DAB1: variants seen among roughly 807,000 people sequenced by gnomAD.
The protein encoded by DAB1 is disabled homolog 1.
A neutral mutation model predicts 64.6 loss-of-function variants in DAB1; 15 were observed. That is an observed-to-expected ratio of 0.23 (90% confidence interval 0.16 to 0.36). The LOEUF (loss-of-function observed/expected upper bound fraction) is 0.36. Among genes scored for constraint, DAB1 ranks in the 10% least tolerant of loss-of-function variants. The pLI is 1.00. For synonymous variants in DAB1, 235 were observed against 251.9 expected, an observed-to-expected ratio of 0.93 and a Z score of 0.64; for missense variants, 596 against 706.7, an observed-to-expected ratio of 0.84 and a Z score of 1.78.
At chr1:58,324,994 T>C (rs1270535509) in intron 4 of DAB1, among the ~76,000 whole-genome samples, 1 of 152,224 alleles carries the variant, frequency 6.6e-6, no homozygotes, top group African/African-American at 2.4e-5. Context: ...TGCTGAGCCC[T>C]AATGTGGCCT....
intron 4 of DAB1, among the ~76,000 whole-genome samples, chr1:58,272,611 T>C (rs1240828324): frequency 7.9e-6 from 1 of 126,418 alleles, no homozygotes; most frequent in African/African-American, 3.0e-5. Context: ...ATCTGTCTAA[T>C]GTTGACAGTG....
At chr1:57,734,853 G>A (rs886578996) in intron 6 of DAB1, among the ~76,000 whole-genome samples, 9 of 152,118 alleles carry the variant, frequency 5.9e-5, no homozygotes, top group African/African-American at 2.2e-4. Flanking sequence ...ATTCAGGACT[G>A]GATCATTTAA....
At chr1:57,316,339 C>G (rs1024073191) in intron 1 of DAB1, among the ~76,000 whole-genome samples, 3 of 152,164 alleles carry the variant, frequency 2.0e-5, no homozygotes, top group Admixed American at 1.3e-4. Context: ...GTAATAAAAT[C>G]TTGTGCATTT....
At position 58,056,185 on chromosome 1, in the gene DAB1, G is replaced by A. The variant is rs777388160; in HGVS notation, n.387+94326C>T. ...GGCAGCACCCGCAGGTCTAAATCGG[G>A]ATGGGGGTGTTCGGTCCTTGCGGGC... On this transcript the variant is annotated intron_variant and non_coding_transcript_variant, in intron 5 of 20. Transcript: ENST00000485760. The A allele has an allele frequency of 2.3e-5, 35 of 1,539,704 alleles. No individual in the cohort carries two copies. The East Asian group carries it at 6.5e-4, about 29-fold the overall frequency.
chr1:57,941,977 C>A (rs978430033), intron 5 of DAB1, among the ~76,000 whole-genome samples: 1 of 152,198 alleles, frequency 6.6e-6, no homozygotes, highest in African/African-American at 2.4e-5. Context: ...CCTCAGACCT[C>A]AGTTTTTTCA....
At chr1:57,251,433 T>C (rs1428515477) in intron 2 of DAB1, among the ~76,000 whole-genome samples, 1 of 152,204 alleles carries the variant, frequency 6.6e-6, no homozygotes, top group Non-Finnish European at 1.5e-5. Flanking sequence ...AAGTCTCCTT[T>C]AGAGACCAAC....
chr1:58,389,907 A>G (rs551070292), intron 3 of DAB1, among the ~76,000 whole-genome samples: 2 of 152,184 alleles, frequency 1.3e-5, no homozygotes, highest in Middle Eastern at 3.4e-3. Flanking sequence ...AGAGCTGATC[A>G]CTAAGCTCAT....
chr1:58,053,009 C>T (rs116138747), intron 5 of DAB1, among the ~76,000 whole-genome samples: 3,218 of 152,144 alleles, frequency 0.021, 92 homozygotes, highest in African/African-American at 0.07. Flanking sequence ...AAAGCAAGAG[C>T]GAAAATGGGG....
At chr1:57,666,898 G>C (rs575567229) in intron 6 of DAB1, among the ~76,000 whole-genome samples, 15 of 151,480 alleles carry the variant, frequency 9.9e-5, no homozygotes, top group Admixed American at 2.0e-4. Flanking sequence ...GGGAAGGGGA[G>C]GGGGAGAGAG....
At chr1:57,384,484 T>C (rs1291303894) in intron 1 of DAB1, among the ~76,000 whole-genome samples, 2 of 152,194 alleles carry the variant, frequency 1.3e-5, no homozygotes, top group Non-Finnish European at 2.9e-5. Context: ...AGCAGCATTA[T>C]TCACAATAGC....
At chr1:58,085,673 A>AT (rs1316865890) in intron 5 of DAB1, among the ~76,000 whole-genome samples, 1 of 151,810 alleles carries the variant, frequency 6.6e-6, no homozygotes, top group African/African-American at 2.4e-5. Context: ...CAACTACCTT[A>AT]TTTTTTAAAT....
At chr1:57,700,011 T>C (rs1425975383) in intron 6 of DAB1, among the ~76,000 whole-genome samples, 1 of 152,142 alleles carries the variant, frequency 6.6e-6, no homozygotes, top group Non-Finnish European at 1.5e-5. Context: ...CCTACTCTCC[T>C]CCCTTTTGAA....
chr1:58,001,762 T>TAAG (rs1646510470), intron 5 of DAB1, among the ~76,000 whole-genome samples: 1 of 152,178 alleles, frequency 6.6e-6, no homozygotes, highest in African/African-American at 2.4e-5. Flanking sequence ...ATGTCAGGTC[T>TAAG]TCATCTCTAA....
intron 5 of DAB1, among the ~76,000 whole-genome samples, chr1:58,129,244 T>G (rs1653352546): frequency 6.6e-6 from 1 of 151,704 alleles, no homozygotes. Context: ...TTTATTTGCG[T>G]AGAGGTGTTT....
intron 7 of DAB1, among the ~76,000 whole-genome samples, chr1:57,646,841 C>A (rs1404226573): frequency 2.0e-5 from 3 of 152,168 alleles, no homozygotes; most frequent in African/African-American, 2.4e-5. Context: ...AACTGTGGCT[C>A]AGTGCTGCTG....
intron 2 of DAB1, among the ~76,000 whole-genome samples, chr1:57,253,657 A>G (rs1251368864): frequency 6.6e-6 from 1 of 152,242 alleles, no homozygotes; most frequent in East Asian, 1.9e-4. Context: ...AGAAAGTCCG[A>G]TAAGTTAGCA....
At chr1:58,196,390 C>T (rs1431487244) in intron 4 of DAB1, among the ~76,000 whole-genome samples, 1 of 152,206 alleles carries the variant, frequency 6.6e-6, no homozygotes, top group Non-Finnish European at 1.5e-5. Context: ...AGAAGCTAAG[C>T]AGCTGCTGAA....
chr1:57,461,975 C>G (rs1408423902), intron 7 of DAB1, among the ~76,000 whole-genome samples: 1 of 88,210 alleles, frequency 1.1e-5, no homozygotes, highest in Non-Finnish European at 2.1e-5. Context: ...TTTTTTTACA[C>G]AAAGTCTTGT....
intron 7 of DAB1, among the ~76,000 whole-genome samples, chr1:57,484,414 C>A (rs906355378): frequency 6.6e-6 from 1 of 152,156 alleles, no homozygotes; most frequent in African/African-American, 2.4e-5. Context: ...TCAAGGAGAC[C>A]AGCTATGAGC....
Sources: allele counts gnomAD v4.1 joint callset (sites outside exome capture counted in the v4.1 genomes callset), GRCh38; gene constraint gnomAD v4.1.1; transcripts MANE v1.5; gene names NCBI Gene and HGNC (gene_info 2026-07-23, HGNC 2026-07-21).